Variants in LAMA4 observed in about 807,000 individuals in gnomAD.
LAMA4 encodes laminin subunit alpha 4, also known as laminin subunit alpha-4.
In LAMA4, 127 loss-of-function variants were observed where a neutral mutation model predicts 207.1. That is an observed-to-expected ratio of 0.61 (90% CI 0.53 to 0.71). The LOEUF (loss-of-function observed/expected upper bound fraction) is 0.71, where lower values mean the gene tolerates loss of function less well. LAMA4 is among the 30% of genes least tolerant of loss of function. The probability of loss-of-function intolerance (pLI) is 0.00; values close to 1 mark genes in which losing one functional copy is unlikely to be tolerated. For missense variants in LAMA4, 2,093 were observed against 2,246.5 expected (o/e 0.93, Z 1.38); for synonymous variants, 761 against 816.0 (o/e 0.93, Z 1.15).
chr6:112,252,996 C>T (rs527437133), intron 2 of LAMA4, among the ~76,000 whole-genome samples: 9 of 152,304 alleles, frequency 5.9e-5, no homozygotes, highest in African/African-American at 1.9e-4. Context: ...TATAATTGTA[C>T]TAACAATTAA....
intron 29 of LAMA4, chr6:112,130,300 TTGTGTGTG>T (rs35563593): frequency 2.2e-4 from 86 of 382,232 alleles, no homozygotes; most frequent in African/African-American, 1.2e-3. Flanking sequence ...AGCATTATTT[TTGTGTGTG>T]TGTGTGTGTG....
At chr6:112,254,744 T>C (rs1219131036), upstream of LAMA4, 1 of 156,586 alleles carries the variant, frequency 6.4e-6, no homozygotes, top group Non-Finnish European at 1.4e-5. Context: ...TCACCACTCT[T>C]ATTTATGTAG....
At position 112,130,954 on chromosome 6, in the gene LAMA4, G is replaced by A. The variant is rs782778130; in HGVS notation, c.3968+14C>T. 101 of 1,611,966 alleles carry A rather than the reference G, an allele frequency of 6.3e-5. No homozygotes were observed. The highest frequency in any genetic ancestry group is 7.7e-5 in the Non-Finnish European group (91 of 1,178,342). ...ATAGACATGGTGGAAAGAATATGAA[G>A]TGAGGAGCTATACCTTGTGGGTGAG... is the stretch of plus-strand genomic sequence containing the variant. On this transcript the variant is annotated intron_variant, in intron 29 of 38. Coordinates refer to ENST00000230538, the MANE Select transcript of LAMA4 (RefSeq NM_001105206.3).
intron 4 of LAMA4, among the ~76,000 whole-genome samples, chr6:112,206,458 AT>A: frequency 6.6e-6 from 1 of 152,316 alleles, no homozygotes; most frequent in Middle Eastern, 3.4e-3. Context: ...ATTTACACAT[AT>A]TCCATTATTT....
Position 112,201,619 on chromosome 6 carries a change from A to G in LAMA4, c.492T>C (p.Pro164=). Residue 164 remains proline, a synonymous_variant, in exon 5 of 39, where the codon CCT becomes CCC. Transcript: ENST00000230538. ...RCICNENYAG[P]NCERCAPGYY... ...TTTTATTGGCTTACCTTTCACAGTT[A>G]GGTCCAGCATAATTTTCGTTACAAA... 1 of 1,613,556 alleles carries G rather than the reference A, an allele frequency of 6.2e-7. No individual in the cohort carries two copies. The highest frequency in any genetic ancestry group is 8.5e-7 in the Non-Finnish European group (1 of 1,179,468).
intron 2 of LAMA4, among the ~76,000 whole-genome samples, chr6:112,242,820 C>A (rs1374049911): frequency 1.3e-5 from 2 of 152,198 alleles, no homozygotes; most frequent in African/African-American, 4.8e-5. Flanking sequence ...ATTTAGTGGA[C>A]AGCTCTACTC....
At position 112,158,736 on chromosome 6, in the gene LAMA4, T is replaced by C. The variant is rs112884471; in HGVS notation, c.1813A>G (p.Ser605Gly). The change falls in exon 14 of 39, where the codon AGC becomes GGC. Residue 605 changes from serine (S) to glycine (G), a missense_variant. Ser to Gly is a moderately conservative substitution (Grantham distance 56). Coordinates refer to ENST00000230538, the MANE Select transcript of LAMA4 (RefSeq NM_001105206.3). ...TTTCTAAAACCAGGATATTACCTGC[T>C]CAATTCATTAGCTTCTTGTTGAAGG... ...QDLQQEANEL[S>G]RKLHSSDMNG... 7 of 1,613,414 alleles carry C rather than the reference T, an allele frequency of 4.3e-6. No individual in the cohort carries two copies. The African/African-American group carries it at 9.3e-5, about 22-fold the overall frequency.
chr6:112,110,066 G>T (rs587666232), intron 38 of LAMA4, among the ~76,000 whole-genome samples: 1 of 152,312 alleles, frequency 6.6e-6, no homozygotes, highest in African/African-American at 2.4e-5. Flanking sequence ...AATATAATGA[G>T]AAAGTAATGA....
At chr6:112,188,956 G>T in intron 7 of LAMA4, 154 bp downstream of exon 7, 2 of 652,226 alleles carry the variant, frequency 3.1e-6, no homozygotes, top group Non-Finnish European at 5.6e-6. Flanking sequence ...CAAGTACTTG[G>T]TGCAGGCTCC....
At chr6:112,128,841 A>G (rs564136697) in intron 31 of LAMA4, 81 bp downstream of exon 31, 7 of 1,244,094 alleles carry the variant, frequency 5.6e-6, no homozygotes, top group African/African-American at 1.5e-5. Flanking sequence ...TATCAAGTCA[A>G]TTCTCTAAAA....
intron 38 of LAMA4, 79 bp from the exon 39 acceptor site, chr6:112,109,661 A>G (rs1777588583): frequency 3.6e-6 from 5 of 1,394,922 alleles, no homozygotes; most frequent in Non-Finnish European, 4.0e-6. Flanking sequence ...GTAAAAGTAT[A>G]CATATTTGCT....
chr6:112,111,336 G>A (rs1554321525), intron 38 of LAMA4, among the ~76,000 whole-genome samples: 2 of 152,224 alleles, frequency 1.3e-5, no homozygotes, highest in East Asian at 3.9e-4. Flanking sequence ...GAGCCACCAT[G>A]TCCGGCAGAA....
chr6:112,209,200 T>A (rs571097692), intron 3 of LAMA4, among the ~76,000 whole-genome samples: 1 of 152,306 alleles, frequency 6.6e-6, no homozygotes, highest in East Asian at 1.9e-4. Context: ...GTTAAATTTG[T>A]CTGAGTTCTT....
chr6:112,144,866 A>G lies in LAMA4; in HGVS notation c.2421T>C (p.Pro807=), dbSNP rs782630366. The change falls in exon 19 of 39, where the codon CCT becomes CCC. Residue 807 remains proline (P), a synonymous_variant. Transcript: ENST00000230538. Reference sequence around the variant, plus strand: ...GGATGCTGGCAGAAACGTTGCTTGCAGGTCGCTTCTGCTCAACCGTACGAA... The same window carrying G: ...GGATGCTGGCAGAAACGTTGCTTGCGGGTCGCTTCTGCTCAACCGTACGAA... ...DQLRTVEQKR[P]ASNVSASIQR... 3 of 1,614,086 alleles carry G rather than the reference A, an allele frequency of 1.9e-6. No homozygotes were observed. Among genetic ancestry groups the G allele is most frequent in the Non-Finnish European group, 2.5e-6 (3 of 1,180,018 alleles).
At chr6:112,200,227 T>G in intron 5 of LAMA4, 1 of 503,634 alleles carries the variant, frequency 2.0e-6, no homozygotes, top group Non-Finnish European at 4.0e-6. Flanking sequence ...GAGAAAAGAG[T>G]GTCATGTGCT....
chr6:112,219,991 A>T (rs994651963), intron 2 of LAMA4, among the ~76,000 whole-genome samples: 1 of 152,190 alleles, frequency 6.6e-6, no homozygotes, highest in East Asian at 1.9e-4. Context: ...TTGGACATTT[A>T]GGTTATTTCC....
chr6:112,156,394 G>A (rs1479661579), intron 14 of LAMA4, among the ~76,000 whole-genome samples: 1 of 152,132 alleles, frequency 6.6e-6, no homozygotes, highest in Non-Finnish European at 1.5e-5. Context: ...ATATAGAAAT[G>A]CTTGGTATAC....
At chr6:112,244,216 G>C (rs1334837163) in intron 2 of LAMA4, among the ~76,000 whole-genome samples, 1 of 152,138 alleles carries the variant, frequency 6.6e-6, no homozygotes, top group Non-Finnish European at 1.5e-5. Flanking sequence ...CCAAAACCAA[G>C]ATGGTAATAA....
At chr6:112,200,523 C>T (rs1010228994) in intron 5 of LAMA4, among the ~76,000 whole-genome samples, 6 of 152,160 alleles carry the variant, frequency 3.9e-5, no homozygotes, top group African/African-American at 1.2e-4. Context: ...CCAGCAATCC[C>T]ATTACTGGGT....
Sources: gnomAD v4.1 joint callset for allele counts (sites outside exome capture counted in the v4.1 genomes callset) on GRCh38, gnomAD v4.1.1 for gene constraint, MANE v1.5 for transcripts, NCBI Gene and HGNC (gene_info 2026-07-23, HGNC 2026-07-21) for gene names.